CDH12: variants seen among roughly 807,000 people sequenced by gnomAD.
The protein encoded by CDH12 is cadherin-12.
Under a neutral mutation model 74.1 loss-of-function variants are expected in CDH12, and 41 were observed. The ratio of observed to expected loss-of-function variants is 0.55; its 90% confidence interval spans 0.43 to 0.72. The LOEUF (loss-of-function observed/expected upper bound fraction) is 0.72, where lower values mean the gene tolerates loss of function less well. CDH12 is among the 30% of genes least tolerant of loss of function. The pLI is 0.00. For synonymous variants in CDH12, 399 were observed against 355.0 expected, an observed-to-expected ratio of 1.12 and a Z score of -1.39; for missense variants, 945 against 977.2, an observed-to-expected ratio of 0.97 and a Z score of 0.44.
At chr5:22,691,887 G>A (rs1014687486) in intron 1 of CDH12, among the ~76,000 whole-genome samples, 2 of 152,094 alleles carry the variant, frequency 1.3e-5, no homozygotes, top group Non-Finnish European at 2.9e-5. Flanking sequence ...AAATAGAAAG[G>A]AAGAGAAAAG....
chr5:22,332,527 C>A (rs576505046), intron 3 of CDH12, among the ~76,000 whole-genome samples: 1 of 152,212 alleles, frequency 6.6e-6, no homozygotes, highest in African/African-American at 2.4e-5. Flanking sequence ...AGTGAACAAG[C>A]CACCTACAGA....
rs908722101 is a variant in CDH12 at position 22,219,285 on chromosome 5, A to G, written c.-332-6642T>C. ...CCTTCTATAACATCATAAAGATCAT[A>G]TTGTTACAGAGTGGCTCTAAACGGA... On this transcript the variant is annotated intron_variant, in intron 3 of 14. Transcript: ENST00000382254. Among the ~76,000 whole-genome samples the G allele has an allele frequency of 2.0e-4, 31 of 151,814 alleles. No homozygotes were observed. In the East Asian group the frequency reaches 2.5e-3, roughly 12 times the overall value.
chr5:21,825,007 A>C (rs1400875766), intron 8 of CDH12, among the ~76,000 whole-genome samples: 2 of 152,058 alleles, frequency 1.3e-5, no homozygotes, highest in South Asian at 4.2e-4. Context: ...TAAAAAAATT[A>C]GCCGGGTGTG....
chr5:21,975,047 A>C (rs1757001038), intron 6 of CDH12, 44 bp downstream of exon 6: 3 of 1,219,264 alleles, frequency 2.5e-6, no homozygotes, highest in Non-Finnish European at 3.4e-6. Flanking sequence ...TCAATGTTGA[A>C]GAGGTCTCAT....
intron 1 of CDH12, among the ~76,000 whole-genome samples, chr5:22,836,702 A>G (rs1736845443): frequency 1.3e-5 from 2 of 152,192 alleles, no homozygotes; most frequent in South Asian, 4.1e-4. Flanking sequence ...AAAATTAAAC[A>G]AAGTTGTAAG....
At chr5:22,610,890 T>C (rs1308507289) in intron 1 of CDH12, among the ~76,000 whole-genome samples, 6 of 152,248 alleles carry the variant, frequency 3.9e-5, no homozygotes, top group Non-Finnish European at 8.8e-5. Flanking sequence ...ATTACAATTC[T>C]ACATGATATA....
intron 1 of CDH12, among the ~76,000 whole-genome samples, chr5:22,510,755 T>G (rs978059930): frequency 6.6e-6 from 1 of 152,174 alleles, no homozygotes; most frequent in African/African-American, 2.4e-5. Flanking sequence ...TTATGTTCAA[T>G]CTATGGTTGG....
chr5:21,814,734 C>T (rs1747948019), intron 9 of CDH12, among the ~76,000 whole-genome samples: 1 of 150,144 alleles, frequency 6.7e-6, no homozygotes, highest in East Asian at 2.0e-4. Flanking sequence ...TGGAAGTATA[C>T]TTAATTTTAT....
chr5:22,390,199 G>GA (rs1491522507), intron 3 of CDH12, among the ~76,000 whole-genome samples: 1 of 152,104 alleles, frequency 6.6e-6, no homozygotes, highest in East Asian at 1.9e-4. Flanking sequence ...TGCTTATTAT[G>GA]AGAGTAGGCT....
intron 1 of CDH12, among the ~76,000 whole-genome samples, chr5:22,614,825 C>A (rs1382542467): frequency 1.3e-5 from 2 of 152,002 alleles, no homozygotes; most frequent in African/African-American, 4.8e-5. Flanking sequence ...GCATTAATTT[C>A]TTTTTTATTC....
At chr5:22,355,214 G>A (rs2883717) in intron 3 of CDH12, among the ~76,000 whole-genome samples, 66,209 of 151,828 alleles carry the variant, frequency 0.44, 15,943 homozygotes, top group Non-Finnish European at 0.54. Context: ...TAGAAATAAC[G>A]TGGGTGATAT....
At chr5:22,833,013 C>T (rs547014734) in intron 1 of CDH12, among the ~76,000 whole-genome samples, 22 of 152,012 alleles carry the variant, frequency 1.4e-4, no homozygotes, top group African/African-American at 5.1e-4. Context: ...ATATATATTC[C>T]CCAGCCAAGT....
At chr5:22,201,578 A>G (rs1438384082) in intron 4 of CDH12, among the ~76,000 whole-genome samples, 4 of 152,130 alleles carry the variant, frequency 2.6e-5, no homozygotes, top group Non-Finnish European at 4.4e-5. Context: ...AATGTATATT[A>G]TTTGAGTGAT....
intron 3 of CDH12, among the ~76,000 whole-genome samples, chr5:22,215,544 T>C (rs1339860251): frequency 6.6e-6 from 1 of 152,160 alleles, no homozygotes; most frequent in African/African-American, 2.4e-5. Context: ...TAAAAATCCC[T>C]TCTGCAATTC....
intron 14 of CDH12, 131 bp downstream of exon 14, chr5:21,755,460 G>C (rs992912545): frequency 3.6e-5 from 25 of 699,286 alleles, no homozygotes; most frequent in Admixed American, 1.7e-4. Flanking sequence ...TTATCTTCTA[G>C]CTAGGTATGA....
At chr5:21,928,534 T>C (rs1754694174) in intron 6 of CDH12, among the ~76,000 whole-genome samples, 1 of 152,064 alleles carries the variant, frequency 6.6e-6, no homozygotes, top group Non-Finnish European at 1.5e-5. Flanking sequence ...ATGTCAGGAG[T>C]TGGAAAAGGA....
At chr5:21,981,517 T>C (rs1757305541) in intron 5 of CDH12, among the ~76,000 whole-genome samples, 1 of 152,056 alleles carries the variant, frequency 6.6e-6, no homozygotes, top group Admixed American at 6.6e-5. Context: ...TTACAGTTGT[T>C]TTTTTGACAT....
intron 2 of CDH12, among the ~76,000 whole-genome samples, chr5:22,467,970 G>C (rs1279582924): frequency 6.6e-6 from 1 of 152,186 alleles, no homozygotes; most frequent in Non-Finnish European, 1.5e-5. Context: ...TCCTTAGTCT[G>C]ATGTTCTGGG....
At chr5:22,502,833 T>A (rs1736229826) in intron 2 of CDH12, among the ~76,000 whole-genome samples, 1 of 152,214 alleles carries the variant, frequency 6.6e-6, no homozygotes, top group Admixed American at 6.6e-5. Flanking sequence ...TCTGGATTTA[T>A]CTGCCAGCTA....
Sources: allele counts gnomAD v4.1 joint callset (sites outside exome capture counted in the v4.1 genomes callset), GRCh38; gene constraint gnomAD v4.1.1; transcripts MANE v1.5; gene names NCBI Gene and HGNC (gene_info 2026-07-23, HGNC 2026-07-21).